DNAH11: variants seen among roughly 807,000 people sequenced by gnomAD.
The protein encoded by DNAH11 is dynein axonemal heavy chain 11.
DNAH11 carries 442 observed loss-of-function variants against 526.0 expected under a neutral mutation model. The ratio of observed to expected loss-of-function variants is 0.84; its 90% CI spans 0.78 to 0.91. The LOEUF is 0.91. Ranked by LOEUF, DNAH11 falls within the 40% of genes least tolerant of loss-of-function variation. The probability of loss-of-function intolerance (pLI) is 0.00; values close to 1 mark genes in which losing one functional copy is unlikely to be tolerated. For synonymous variants in DNAH11, 2,461 were observed against 1,935.9 expected (o/e 1.27, Z -7.12); for missense variants, 6,989 against 5,448.7 (o/e 1.28, Z -8.90).
intron 54 of DNAH11, among the ~76,000 whole-genome samples, chr7:21,765,028 C>T (rs903122914): frequency 6.6e-6 from 1 of 152,086 alleles, no homozygotes; most frequent in African/African-American, 2.4e-5. Context: ...TTTATGGAAC[C>T]TGATGAATTA....
intron 24 of DNAH11, among the ~76,000 whole-genome samples, 198 bp from the exon 25 acceptor site, chr7:21,619,758 A>G (rs373844684): frequency 2.6e-5 from 4 of 152,190 alleles, no homozygotes; most frequent in Non-Finnish European, 5.9e-5. Flanking sequence ...TGTTAGTGTG[A>G]TGCTCATACC....
chr7:21,853,277 T>C (rs558937707), intron 67 of DNAH11, among the ~76,000 whole-genome samples: 9 of 152,334 alleles, frequency 5.9e-5, no homozygotes, highest in Non-Finnish European at 8.8e-5. Context: ...AATTAGACCC[T>C]TATTTGCTTT....
intron 30 of DNAH11, among the ~76,000 whole-genome samples, chr7:21,662,166 C>T (rs1288174579): frequency 6.6e-6 from 1 of 152,082 alleles, no homozygotes; most frequent in African/African-American, 2.4e-5. Flanking sequence ...TATATAAGGG[C>T]TGGCTATTGC....
In DNAH11 at chr7:21,551,925, C is replaced by A. The variant is rs550991347; in HGVS notation, c.495+6776C>A. 1.0e-3 allele frequency among the ~76,000 whole-genome samples: 159 copies of A among 152,264 alleles called. 1 individual carries two copies. Among genetic ancestry groups the A allele is most frequent in the Non-Finnish European group, 1.2e-3 (83 of 68,026 alleles). Reference sequence around the variant, plus strand: ...AGTCTGAGAATCTGTTAACTATCTCCTGGCTTTTGACTTAATATATTCCTG... The same window carrying A: ...AGTCTGAGAATCTGTTAACTATCTCATGGCTTTTGACTTAATATATTCCTG... On this transcript the variant is annotated intron_variant, in intron 2 of 81. Coordinates refer to ENST00000409508, the MANE Select transcript of DNAH11 (RefSeq NM_001277115.2).
At chr7:21,873,611 T>C (rs1783581799) in intron 74 of DNAH11, 110 bp downstream of exon 74, 2 of 1,058,882 alleles carry the variant, frequency 1.9e-6, no homozygotes, top group Non-Finnish European at 2.8e-6. Flanking sequence ...AGCAAGTTCT[T>C]AATGTTCGCA....
chr7:21,645,739 A>G (rs1787327240), intron 28 of DNAH11, among the ~76,000 whole-genome samples: 1 of 152,166 alleles, frequency 6.6e-6, no homozygotes, highest in Non-Finnish European at 1.5e-5. Flanking sequence ...TCAGATATCT[A>G]AAAATCAGAT....
chr7:21,637,841 A>G (rs1453788083), intron 27 of DNAH11, 139 bp downstream of exon 27: 3 of 502,900 alleles, frequency 6.0e-6, no homozygotes, highest in African/African-American at 2.0e-5. Context: ...ATAATTATCT[A>G]GTTGTCTCGT....
intron 73 of DNAH11, among the ~76,000 whole-genome samples, chr7:21,869,197 C>G (rs1362622551): frequency 6.6e-6 from 1 of 152,188 alleles, no homozygotes; most frequent in African/African-American, 2.4e-5. Flanking sequence ...GAGAGACTGT[C>G]TAGCCATTGT....
intron 39 of DNAH11, among the ~76,000 whole-genome samples, chr7:21,707,113 C>T (rs1451440552): frequency 6.6e-6 from 1 of 152,196 alleles, no homozygotes; most frequent in East Asian, 1.9e-4. Context: ...CTCCTTCCCC[C>T]TTCTTCCCCC....
At chr7:21,872,813 G>A (rs552781113) in intron 73 of DNAH11, among the ~76,000 whole-genome samples, 1 of 152,338 alleles carries the variant, frequency 6.6e-6, no homozygotes, top group East Asian at 1.9e-4. Context: ...ATGCTTATGA[G>A]TAGGAGTTTG....
intron 46 of DNAH11, 55 bp downstream of exon 46, chr7:21,735,899 G>A (rs1429496137): frequency 3.3e-6 from 5 of 1,495,998 alleles, no homozygotes; most frequent in East Asian, 2.3e-5. Flanking sequence ...ATCAAGGCGG[G>A]CACATGCAGC....
At chr7:21,587,920 T>C in intron 9 of DNAH11, 144 bp from the exon 10 acceptor site, 1 of 704,442 alleles carries the variant, frequency 1.4e-6, no homozygotes, top group Non-Finnish European at 2.1e-6. Context: ...GATGGAAAAA[T>C]ACATTTTACA....
chr7:21,845,186 T>C (rs1782373104), intron 66 of DNAH11, among the ~76,000 whole-genome samples: 2 of 152,234 alleles, frequency 1.3e-5, no homozygotes, highest in African/African-American at 4.8e-5. Context: ...CTTTTCACTT[T>C]CTTGTTGGTG....
chr7:21,828,229 A>G (rs1025240107), intron 65 of DNAH11, among the ~76,000 whole-genome samples: 5 of 152,178 alleles, frequency 3.3e-5, no homozygotes, highest in African/African-American at 1.2e-4. Flanking sequence ...GATTGCAGGC[A>G]TGAGCCACCG....
intron 62 of DNAH11, among the ~76,000 whole-genome samples, chr7:21,806,922 C>T (rs1789286838): frequency 6.6e-6 from 1 of 152,120 alleles, no homozygotes; most frequent in South Asian, 2.1e-4. Context: ...GTCCTGATTT[C>T]CACCTTTTTA....
intron 25 of DNAH11, among the ~76,000 whole-genome samples, chr7:21,629,184 T>C (rs1419970010): frequency 6.6e-6 from 1 of 152,154 alleles, no homozygotes; most frequent in Non-Finnish European, 1.5e-5. Flanking sequence ...TAGGAGCATG[T>C]TGTTTAATTT....
At chr7:21,618,621 A>T (rs1193279608) in intron 23 of DNAH11, 1 of 169,392 alleles carries the variant, frequency 5.9e-6, no homozygotes, top group Non-Finnish European at 1.2e-5. Context: ...ACACTGTAAG[A>T]CTATTTTTTT....
intron 9 of DNAH11, among the ~76,000 whole-genome samples, chr7:21,587,561 G>C (rs1298596703): frequency 1.3e-5 from 2 of 152,086 alleles, no homozygotes; most frequent in Non-Finnish European, 2.9e-5. Flanking sequence ...GACACTGTTG[G>C]GGGTGGCTGG....
At chr7:21,808,627 C>T (rs1397954392) in intron 63 of DNAH11, among the ~76,000 whole-genome samples, 1 of 152,190 alleles carries the variant, frequency 6.6e-6, no homozygotes, top group Admixed American at 6.5e-5. Flanking sequence ...CATGTAAGAA[C>T]ATACGATATT....
Sources: gnomAD v4.1 joint callset for allele counts (sites outside exome capture counted in the v4.1 genomes callset) on GRCh38, gnomAD v4.1.1 for gene constraint, MANE v1.5 for transcripts, NCBI Gene and HGNC (gene_info 2026-07-23, HGNC 2026-07-21) for gene names.